INPP5D: variants seen among roughly 807,000 people sequenced by gnomAD.
The protein encoded by INPP5D is phosphatidylinositol 3,4,5-trisphosphate 5-phosphatase 1.
Under a neutral mutation model 122.9 loss-of-function variants are expected in INPP5D, and 33 were observed. The observed-to-expected ratio is 0.27, with a 90% CI of 0.20 to 0.36. The LOEUF (loss-of-function observed/expected upper bound fraction) is 0.36, where lower values mean the gene tolerates loss of function less well. Ranked by LOEUF, INPP5D falls within the 10% of genes least tolerant of loss-of-function variation. The pLI is 1.00. For missense variants in INPP5D, 1,053 were observed against 1,412.7 expected (o/e 0.75, Z 4.08); for synonymous variants, 584 against 576.2 (o/e 1.01, Z -0.19).
intron 2 of INPP5D, among the ~76,000 whole-genome samples, chr2:233,113,544 T>C (rs1692691205): frequency 6.6e-6 from 1 of 152,154 alleles, no homozygotes; most frequent in Admixed American, 6.5e-5. Context: ...TGAAGAGAGA[T>C]TCCTGGGACT....
intron 1 of INPP5D, among the ~76,000 whole-genome samples, chr2:233,067,972 C>T (rs574923152): frequency 3.9e-5 from 6 of 152,094 alleles, no homozygotes; most frequent in Non-Finnish European, 7.4e-5. Flanking sequence ...AAGCACCCAC[C>T]GAATGCTTTG....
intron 9 of INPP5D, among the ~76,000 whole-genome samples, chr2:233,153,951 C>G (rs1693985269): frequency 6.6e-6 from 1 of 152,098 alleles, no homozygotes. Flanking sequence ...CTTGATCAGC[C>G]CAGGGGCAAA....
At chr2:233,111,116 A>G (rs2106243677) in intron 2 of INPP5D, among the ~76,000 whole-genome samples, 1 of 152,274 alleles carries the variant, frequency 6.6e-6, no homozygotes, top group Admixed American at 6.5e-5. Flanking sequence ...TTTCTGAATT[A>G]TTGACAAGTA....
At chr2:233,176,426 T>C in intron 17 of INPP5D, among the ~76,000 whole-genome samples, 1 of 126,824 alleles carries the variant, frequency 7.9e-6, no homozygotes, top group African/African-American at 3.0e-5. Context: ...TGTGGGTGGG[T>C]GAATGGATGG....
chr2:233,194,488 CTTTTTTTT>C (rs544200839), intron 23 of INPP5D, among the ~76,000 whole-genome samples: 2,178 of 88,730 alleles, frequency 0.025, 46 homozygotes, highest in Admixed American at 0.039. Context: ...TTCTAAACTG[CTTTTTTTT>C]TTTTTTTTTT....
chr2:233,184,396 C>T lies in INPP5D; in HGVS notation c.2162-12C>T. On this transcript the variant is annotated splice_polypyrimidine_tract_variant and intron_variant, in intron 19 of 26. Transcript: ENST00000445964. ...CATTGTGGAACTGAATCCGTGTTCT[C>T]CCCTGTTCCAGGTCCCGGGACTGTT... 1.2e-6 allele frequency: 2 copies of T among 1,613,680 alleles called. No homozygotes were observed. Among genetic ancestry groups the T allele is most frequent in the East Asian group, 2.2e-5 (1 of 44,870 alleles).
At chr2:233,076,762 G>A (rs1325288781) in intron 1 of INPP5D, among the ~76,000 whole-genome samples, 1 of 152,138 alleles carries the variant, frequency 6.6e-6, no homozygotes, top group Admixed American at 6.5e-5. Flanking sequence ...AACTAAACAT[G>A]GGAACATGCT....
intron 2 of INPP5D, among the ~76,000 whole-genome samples, chr2:233,109,334 G>A (rs1004955375): frequency 1.1e-4 from 16 of 152,200 alleles, no homozygotes; most frequent in Admixed American, 3.9e-4. Context: ...ACTCACCACA[G>A]TGCTTGTCCT....
At chr2:233,075,569 T>A (rs73094978) in intron 1 of INPP5D, among the ~76,000 whole-genome samples, 2,827 of 151,998 alleles carry the variant, frequency 0.019, 95 homozygotes, top group African/African-American at 0.063. Context: ...TGTATACACA[T>A]GTATGCATAT....
At chr2:233,068,547 A>T (rs900374221) in intron 1 of INPP5D, among the ~76,000 whole-genome samples, 4 of 152,170 alleles carry the variant, frequency 2.6e-5, no homozygotes, top group Non-Finnish European at 4.4e-5. Flanking sequence ...GTGAGCCGAG[A>T]TCGTGCCATT....
intron 2 of INPP5D, among the ~76,000 whole-genome samples, chr2:233,086,381 G>T (rs935572243): frequency 6.6e-6 from 1 of 152,018 alleles, no homozygotes; most frequent in African/African-American, 2.4e-5. Context: ...ACTTCACTAT[G>T]TTGGTCAGGC....
rs573969371 is a variant in INPP5D, at chr2:233,109,281, C to T, written c.199-12826C>T. Among the ~76,000 whole-genome samples, 24 of 152,354 alleles carry T rather than the reference C, an allele frequency of 1.6e-4. No individual in the cohort carries two copies. The South Asian group carries it at 4.6e-3, about 29-fold the overall frequency. On this transcript the variant is annotated intron_variant, in intron 2 of 26. Coordinates refer to ENST00000445964, the MANE Select transcript of INPP5D (RefSeq NM_001017915.3). ...CCCCTCTGGCCAGTCCCACAGCACACGCTTCAGCTGAGACAGCCAAGAAGA... is the reference window on the plus strand; with the variant it reads ...CCCCTCTGGCCAGTCCCACAGCACATGCTTCAGCTGAGACAGCCAAGAAGA...
At chr2:233,163,554 C>G (rs1339741835) in intron 11 of INPP5D, among the ~76,000 whole-genome samples, 153 bp from the exon 12 acceptor site, 1 of 152,180 alleles carries the variant, frequency 6.6e-6, no homozygotes, top group Non-Finnish European at 1.5e-5. Context: ...GGTTGGCGCC[C>G]AGGCCTCCAT....
chr2:233,080,454 T>C (rs956522608), intron 2 of INPP5D, among the ~76,000 whole-genome samples: 14 of 130,808 alleles, frequency 1.1e-4, no homozygotes, highest in African/African-American at 1.7e-4. Flanking sequence ...TGTGTGTGTG[T>C]GCACGTGACA....
rs188779080 is a variant in INPP5D, at chr2:233,081,570, T to G, written c.198+2172T>G. Among the ~76,000 whole-genome samples the G allele has an allele frequency of 2.3e-3, 344 of 152,292 alleles. 3 individuals are homozygous for G. The highest frequency in any genetic ancestry group is 7.8e-3 in the African/African-American group (325 of 41,560). ...TGTCACCATCATACTCTTGCTACTG[T>G]GACATCTTGTGACCCTGGGAACTGC... On this transcript the variant is annotated intron_variant, in intron 2 of 26. Coordinates refer to ENST00000445964, the MANE Select transcript of INPP5D (RefSeq NM_001017915.3).
chr2:233,184,577 C>T (rs1694861395), intron 20 of INPP5D, 56 bp downstream of exon 20: 42 of 1,598,686 alleles, frequency 2.6e-5, no homozygotes, highest in Non-Finnish European at 3.5e-5. Context: ...TTCTTATAAA[C>T]ACCTTTCATA....
Position 233,189,083 on chromosome 2 carries a change from G to A in INPP5D, c.2359-767G>A, listed in dbSNP as rs899847418. 2.0e-5 allele frequency among the ~76,000 whole-genome samples: 3 copies of A among 152,226 alleles called. No individual in the cohort carries two copies. The highest frequency in any genetic ancestry group is 4.8e-5 in the African/African-American group (2 of 41,460). On this transcript the variant is annotated intron_variant, in intron 21 of 26. Coordinates refer to ENST00000445964, the MANE Select transcript of INPP5D (RefSeq NM_001017915.3). The surrounding 1 kb of genome is among the most constrained non-coding windows in gnomAD (Gnocchi z 5.6). ...CGTGGCAGACGAGGAGCTAGTGTGCGTGTGATGCTCCTCCCTGCACTTGCC... is the reference window on the plus strand; with the variant it reads ...CGTGGCAGACGAGGAGCTAGTGTGCATGTGATGCTCCTCCCTGCACTTGCC...
chr2:233,074,750 C>T (rs757668866), intron 1 of INPP5D, among the ~76,000 whole-genome samples: 3 of 151,878 alleles, frequency 2.0e-5, no homozygotes, highest in Non-Finnish European at 2.9e-5. Context: ...AGAAATGATA[C>T]GTAACAAGAG....
intron 2 of INPP5D, among the ~76,000 whole-genome samples, chr2:233,090,863 A>T (rs1009335553): frequency 6.6e-6 from 1 of 152,076 alleles, no homozygotes; most frequent in Non-Finnish European, 1.5e-5. Flanking sequence ...AGGCTGAGGG[A>T]AGAAGAATTG....
Sources: allele counts gnomAD v4.1 joint callset (sites outside exome capture counted in the v4.1 genomes callset), GRCh38; gene constraint gnomAD v4.1.1; non-coding constraint Gnocchi (gnomAD v3.1); transcripts MANE v1.5; gene names NCBI Gene and HGNC (gene_info 2026-07-23, HGNC 2026-07-21).